Variants in ZNF385D observed in about 807,000 individuals in gnomAD.
ZNF385D encodes the protein zinc finger protein 659.
In ZNF385D, 15 loss-of-function variants were observed where a neutral mutation model predicts 35.8. The observed-to-expected ratio is 0.42, with a 90% CI of 0.28 to 0.64. The LOEUF (loss-of-function observed/expected upper bound fraction) is 0.64, where lower values mean the gene tolerates loss of function less well. Among genes scored for constraint, ZNF385D ranks in the 30% least tolerant of loss-of-function variants. The probability of loss-of-function intolerance (pLI) is 0.23; values close to 1 mark genes in which losing one functional copy is unlikely to be tolerated. For synonymous variants in ZNF385D, 212 were observed against 186.8 expected, an observed-to-expected ratio of 1.13 and a Z score of -1.10; for missense variants, 474 against 494.6, an observed-to-expected ratio of 0.96 and a Z score of 0.39.
At chr3:21,612,692 G>C (rs977906494) in intron 2 of ZNF385D, among the ~76,000 whole-genome samples, 4 of 152,174 alleles carry the variant, frequency 2.6e-5, no homozygotes, top group Non-Finnish European at 4.4e-5. Flanking sequence ...GAACTCAAAA[G>C]ACATCTATCC....
At chr3:21,467,979 G>A (rs769247295) in intron 4 of ZNF385D, among the ~76,000 whole-genome samples, 4 of 152,008 alleles carry the variant, frequency 2.6e-5, no homozygotes, top group Non-Finnish European at 4.4e-5. Context: ...CTTGTCTACG[G>A]GAATGCAAAA....
upstream of ZNF385D, among the ~76,000 whole-genome samples, chr3:21,753,785 GTTGT>G (rs776505181): frequency 1.2e-4 from 14 of 113,494 alleles, no homozygotes; most frequent in East Asian, 2.4e-3. Context: ...TGTTGTTGTT[GTTGT>G]TGTGTGTGTG....
intron 3 of ZNF385D, among the ~76,000 whole-genome samples, chr3:22,124,030 T>C (rs1461594695): frequency 6.7e-6 from 1 of 148,780 alleles, no homozygotes; most frequent in African/African-American, 2.5e-5. Flanking sequence ...AACTGCTAGG[T>C]CTTATTCATT....
intron 3 of ZNF385D, chr3:21,979,809 T>A (rs9873358): frequency 2.0e-5 from 3 of 151,978 alleles, no homozygotes; most frequent in African/African-American, 7.3e-5. Context: ...CTTCACCAAA[T>A]GAACTTGTGT....
intron 3 of ZNF385D, among the ~76,000 whole-genome samples, chr3:22,147,087 G>T (rs964674363): frequency 1.3e-5 from 2 of 152,174 alleles, no homozygotes; most frequent in African/African-American, 4.8e-5. Context: ...TATTACTCTT[G>T]ACATTCTACA....
At chr3:22,154,160 T>G (rs1248980667) in intron 3 of ZNF385D, among the ~76,000 whole-genome samples, 1 of 152,100 alleles carries the variant, frequency 6.6e-6, no homozygotes, top group Non-Finnish European at 1.5e-5. Context: ...GGGGTGTGGT[T>G]GTTTGGGTGC....
chr3:22,363,822 A>G (rs1696527880), intron 2 of ZNF385D, among the ~76,000 whole-genome samples: 1 of 152,146 alleles, frequency 6.6e-6, no homozygotes, highest in Non-Finnish European at 1.5e-5. Context: ...AGTATAATTC[A>G]AATACAGAGT....
intron 3 of ZNF385D, among the ~76,000 whole-genome samples, chr3:21,936,235 G>C (rs1024415825): frequency 2.0e-5 from 3 of 152,100 alleles, no homozygotes; most frequent in African/African-American, 7.2e-5. Context: ...TTGGGAGAAA[G>C]GAGACACAGG....
intron 3 of ZNF385D, among the ~76,000 whole-genome samples, chr3:22,024,917 C>T (rs1020971870): frequency 1.3e-5 from 2 of 152,144 alleles, no homozygotes; most frequent in Admixed American, 6.5e-5. Context: ...AGAGTTTTAT[C>T]TCCTGTAGAG....
chr3:21,730,048 C>T (rs969226637), intron 1 of ZNF385D, among the ~76,000 whole-genome samples: 1 of 152,146 alleles, frequency 6.6e-6, no homozygotes, highest in Non-Finnish European at 1.5e-5. Flanking sequence ...GTGCAACTAA[C>T]GTTGGATTAT....
At chr3:22,342,750 A>G (rs1695482702) in intron 2 of ZNF385D, among the ~76,000 whole-genome samples, 1 of 152,230 alleles carries the variant, frequency 6.6e-6, no homozygotes, top group Admixed American at 6.5e-5. Context: ...AATATAGAAA[A>G]TAATACCTCA....
intron 3 of ZNF385D, among the ~76,000 whole-genome samples, chr3:22,131,409 G>T (rs1489382162): frequency 6.6e-6 from 1 of 152,108 alleles, no homozygotes; most frequent in Non-Finnish European, 1.5e-5. Flanking sequence ...CTCTTTCAAA[G>T]TGTTTTTCTA....
At chr3:21,626,970 G>A (rs1047885567) in intron 2 of ZNF385D, among the ~76,000 whole-genome samples, 4 of 151,878 alleles carry the variant, frequency 2.6e-5, no homozygotes, top group Non-Finnish European at 5.9e-5. Flanking sequence ...GTCAGTTAGG[G>A]ATTTGGTGCC....
At chr3:21,931,069 C>T (rs1700981666) in intron 3 of ZNF385D, among the ~76,000 whole-genome samples, 1 of 151,966 alleles carries the variant, frequency 6.6e-6, no homozygotes, top group South Asian at 2.1e-4. Flanking sequence ...TGATGAAGGA[C>T]TAGTACCCAG....
At chr3:22,219,775 T>C (rs1296910344) in intron 2 of ZNF385D, among the ~76,000 whole-genome samples, 1 of 152,204 alleles carries the variant, frequency 6.6e-6, no homozygotes, top group Non-Finnish European at 1.5e-5. Context: ...AGATTTTGAA[T>C]AGTCTTGGAT....
chr3:22,027,242 C>G (rs1697616200), intron 3 of ZNF385D, among the ~76,000 whole-genome samples: 1 of 152,184 alleles, frequency 6.6e-6, no homozygotes. Flanking sequence ...TTGGAGGCAA[C>G]ACATTCCTCA....
At chr3:21,813,812 G>T (rs2073035843) in intron 3 of ZNF385D, among the ~76,000 whole-genome samples, 1 of 152,154 alleles carries the variant, frequency 6.6e-6, no homozygotes, top group Non-Finnish European at 1.5e-5. Flanking sequence ...CCCCAATCTA[G>T]CAAGGCAGGC....
intron 3 of ZNF385D, among the ~76,000 whole-genome samples, chr3:21,522,474 G>T (rs1559370445): frequency 6.6e-6 from 1 of 152,066 alleles, no homozygotes. Flanking sequence ...CGAGTAGCTG[G>T]GACTACAGGC....
chr3:21,798,382 T>C (rs568423453), intron 3 of ZNF385D, among the ~76,000 whole-genome samples: 1 of 152,268 alleles, frequency 6.6e-6, no homozygotes, highest in South Asian at 2.1e-4. Flanking sequence ...TCTGTACGAC[T>C]GAAGTCTTTG....
Sources: allele counts gnomAD v4.1 joint callset (sites outside exome capture counted in the v4.1 genomes callset), GRCh38; gene constraint gnomAD v4.1.1; transcripts MANE v1.5; gene names NCBI Gene and HGNC (gene_info 2026-07-23, HGNC 2026-07-21).